Variants in MGAT5 observed in about 807,000 individuals in gnomAD.
MGAT5 encodes the protein alpha-1,6-mannosylglycoprotein 6-beta-N-acetylglucosaminyltransferase, also known as alpha-1,6-mannosylglycoprotein 6-beta-N-acetylglucosaminyltransferase A.
In MGAT5, 30 loss-of-function variants were observed where a neutral mutation model predicts 94.3. The ratio of observed to expected loss-of-function variants is 0.32; its 90% confidence interval spans 0.24 to 0.43. The LOEUF (loss-of-function observed/expected upper bound fraction) is 0.43. Among genes scored for constraint, MGAT5 ranks in the 20% least tolerant of loss-of-function variants. MGAT5 has a pLI of 1.00. For synonymous variants in MGAT5, 310 were observed against 322.9 expected (o/e 0.96, Z 0.43); for missense variants, 691 against 905.5 (o/e 0.76, Z 3.04).
intron 2 of MGAT5, among the ~76,000 whole-genome samples, chr2:134,286,285 T>C (rs930781674): frequency 6.6e-6 from 1 of 152,194 alleles, no homozygotes; most frequent in Non-Finnish European, 1.5e-5. Context: ...ACAGTTGTCG[T>C]AGGACTGTTT....
intron 1 of MGAT5, among the ~76,000 whole-genome samples, chr2:134,196,025 A>T (rs1679480340): frequency 6.6e-6 from 1 of 152,230 alleles, no homozygotes. Flanking sequence ...GATGATCCTC[A>T]TGAAACTAAA....
intron 1 of MGAT5, among the ~76,000 whole-genome samples, chr2:134,138,212 G>GC (rs1686506331): frequency 4.1e-5 from 1 of 24,552 alleles, no homozygotes; most frequent in African/African-American, 1.7e-4. Context: ...TTCTATCATT[G>GC]CCCTTTTTTT....
chr2:134,409,625 G>A (rs1683532776), intron 11 of MGAT5, among the ~76,000 whole-genome samples: 1 of 152,142 alleles, frequency 6.6e-6, no homozygotes, highest in Admixed American at 6.5e-5. Flanking sequence ...AGTATGTGTT[G>A]TGTGTGTGTT....
chr2:134,217,234 GA>G (rs1558992099), intron 1 of MGAT5, among the ~76,000 whole-genome samples: 1 of 92,280 alleles, frequency 1.1e-5, no homozygotes, highest in Non-Finnish European at 2.1e-5. Context: ...GAGGGAGAGA[GA>G]GTGGTGTGTG....
chr2:134,297,522 T>G (rs1302917409), intron 2 of MGAT5, among the ~76,000 whole-genome samples: 1 of 152,044 alleles, frequency 6.6e-6, no homozygotes, highest in Non-Finnish European at 1.5e-5. Flanking sequence ...TGGCAACATA[T>G]GAAAAGGGTT....
chr2:134,311,858 C>A (rs1020279825), intron 2 of MGAT5, among the ~76,000 whole-genome samples: 1 of 152,082 alleles, frequency 6.6e-6, no homozygotes, highest in African/African-American at 2.4e-5. Flanking sequence ...AAATATTGAT[C>A]CTAGGCAATT....
At chr2:134,164,874 AAAC>A (rs1173149519) in intron 1 of MGAT5, among the ~76,000 whole-genome samples, 36 of 151,966 alleles carry the variant, frequency 2.4e-4, no homozygotes, top group Admixed American at 2.6e-4. Flanking sequence ...AAGCAAAACA[AAAC>A]AACAACAACA....
chr2:134,289,594 A>G (rs1184823389), intron 2 of MGAT5, among the ~76,000 whole-genome samples: 1 of 152,200 alleles, frequency 6.6e-6, no homozygotes, highest in African/African-American at 2.4e-5. Flanking sequence ...AGCATCTGAG[A>G]ATTTGGATCT....
At chr2:134,292,215 G>T (rs1158484209) in intron 2 of MGAT5, among the ~76,000 whole-genome samples, 1 of 152,188 alleles carries the variant, frequency 6.6e-6, no homozygotes, top group African/African-American at 2.4e-5. Flanking sequence ...CCTCAGAACT[G>T]AGTGTACCTC....
intron 10 of MGAT5, among the ~76,000 whole-genome samples, chr2:134,366,148 A>G (rs892317800): frequency 6.6e-6 from 1 of 152,228 alleles, no homozygotes; most frequent in African/African-American, 2.4e-5. Flanking sequence ...CTCTGAGGCC[A>G]TCTAATCATT....
rs143677470 is a variant in MGAT5, at chr2:134,270,400, C to G, written c.256C>G (p.Leu86Val). Reference protein sequence around the residue: ...VMTAYDLKKTLAVLLDNILQR... With the variant: ...VMTAYDLKKTVAVLLDNILQR... ...TTCTTTTACAGATCTGAAGAAAACCCTTGCTGTGTTATTAGATAACATTTT... is the reference window on the plus strand; with the variant it reads ...TTCTTTTACAGATCTGAAGAAAACCGTTGCTGTGTTATTAGATAACATTTT... The change falls in exon 2 of 16, where the codon CTT (leucine) becomes GTT (valine). Residue 86 changes from leucine (L) to valine (V), a missense_variant. Coordinates refer to ENST00000281923, the MANE Select transcript of MGAT5 (RefSeq NM_002410.5). The G allele has an allele frequency of 2.2e-5, 36 of 1,613,882 alleles. No individual in the cohort carries two copies. The highest frequency in any genetic ancestry group is 3.0e-5 in the Non-Finnish European group (35 of 1,179,954).
chr2:134,376,857 G>T (rs1303520800), intron 10 of MGAT5, among the ~76,000 whole-genome samples: 1 of 152,148 alleles, frequency 6.6e-6, no homozygotes, highest in African/African-American at 2.4e-5. Context: ...AGCAGCCAGG[G>T]TAGGTCTTCC....
intron 1 of MGAT5, among the ~76,000 whole-genome samples, chr2:134,248,815 G>A (rs1339864180): frequency 6.6e-6 from 1 of 152,166 alleles, no homozygotes; most frequent in Admixed American, 6.5e-5. Context: ...TATCCTCTGA[G>A]GAGGCAGGCC....
chr2:134,400,439 C>T (rs1241625094), intron 10 of MGAT5, among the ~76,000 whole-genome samples: 1 of 152,122 alleles, frequency 6.6e-6, no homozygotes, highest in African/African-American at 2.4e-5. Flanking sequence ...TTTTACCATG[C>T]CTAAAAGTTA....
chr2:134,270,275 A>T, intron 1 of MGAT5, 111 bp from the exon 2 acceptor site: 1 of 1,053,932 alleles, frequency 9.5e-7, no homozygotes, highest in Non-Finnish European at 1.4e-6. Flanking sequence ...GATCTTTTGT[A>T]TCACTTCAGA....
chr2:134,284,186 T>G (rs1684870134), intron 2 of MGAT5, among the ~76,000 whole-genome samples: 1 of 152,212 alleles, frequency 6.6e-6, no homozygotes, highest in South Asian at 2.1e-4. Context: ...TTCTCCAGAT[T>G]TATCTCAACA....
intron 2 of MGAT5, among the ~76,000 whole-genome samples, chr2:134,317,005 G>A (rs1276935465): frequency 6.6e-6 from 1 of 152,182 alleles, no homozygotes; most frequent in Non-Finnish European, 1.5e-5. Context: ...CATGGATGCA[G>A]GGCAGGAGTT....
chr2:134,216,705 AT>A (rs1680514389), intron 1 of MGAT5, among the ~76,000 whole-genome samples: 1 of 152,188 alleles, frequency 6.6e-6, no homozygotes, highest in Non-Finnish European at 1.5e-5. Context: ...ATGAAGATGA[AT>A]TTGGTATCAA....
chr2:134,227,110 G>C (rs972910472), intron 1 of MGAT5, among the ~76,000 whole-genome samples: 3 of 152,022 alleles, frequency 2.0e-5, no homozygotes, highest in African/African-American at 7.2e-5. Context: ...TTATCAATGA[G>C]TGTAACTGGT....
Sources: gnomAD v4.1 joint callset for allele counts (sites outside exome capture counted in the v4.1 genomes callset) on GRCh38, gnomAD v4.1.1 for gene constraint, MANE v1.5 for transcripts, NCBI Gene and HGNC (gene_info 2026-07-23, HGNC 2026-07-21) for gene names.